FSTL4: variants seen among roughly 807,000 people sequenced by gnomAD.
FSTL4 encodes the protein follistatin-related protein 4.
A neutral mutation model predicts 78.2 loss-of-function variants in FSTL4; 28 were observed. That is an observed-to-expected ratio of 0.36 (90% CI 0.27 to 0.49). The LOEUF is 0.49. FSTL4 is among the 20% of genes least tolerant of loss of function. The pLI, the probability that FSTL4 is intolerant of heterozygous loss-of-function variation, is 0.98. For synonymous variants in FSTL4, 422 were observed against 440.5 expected (o/e 0.96, Z 0.53); for missense variants, 922 against 1,084.9 (o/e 0.85, Z 2.11).
At chr5:133,226,856 T>C (rs1020065318) in intron 8 of FSTL4, among the ~76,000 whole-genome samples, 1 of 152,154 alleles carries the variant, frequency 6.6e-6, no homozygotes, top group South Asian at 2.1e-4. Context: ...TTGGTACTTA[T>C]GTACAAAAGG....
the FSTL4 span, among the ~76,000 whole-genome samples, chr5:133,739,432 G>T: frequency 6.6e-6 from 1 of 152,130 alleles, no homozygotes; most frequent in African/African-American, 2.4e-5. Context: ...GAACATCAAG[G>T]CTCTGCCCAA....
chr5:133,826,370 T>A, the FSTL4 span, among the ~76,000 whole-genome samples: 1 of 152,154 alleles, frequency 6.6e-6, no homozygotes, highest in Non-Finnish European at 1.5e-5. Context: ...GACCACAAAC[T>A]GGGTGGCTTA....
intron 3 of FSTL4, among the ~76,000 whole-genome samples, chr5:133,491,730 T>C (rs1158114649): frequency 1.3e-5 from 2 of 152,198 alleles, no homozygotes; most frequent in Admixed American, 6.5e-5. Flanking sequence ...TTTGTTAGCA[T>C]ATATTTTCAA....
chr5:133,258,609 T>G (rs1752439800), intron 6 of FSTL4, among the ~76,000 whole-genome samples: 2 of 152,230 alleles, frequency 1.3e-5, no homozygotes, highest in Non-Finnish European at 2.9e-5. Flanking sequence ...TCATCATCCA[T>G]GCTCTCCTCT....
the FSTL4 span, among the ~76,000 whole-genome samples, chr5:133,765,522 A>T: frequency 6.6e-6 from 1 of 152,200 alleles, no homozygotes; most frequent in Non-Finnish European, 1.5e-5. Flanking sequence ...ACCAGCTGTG[A>T]CCTCAGGCCA....
intron 3 of FSTL4, among the ~76,000 whole-genome samples, chr5:133,534,486 C>T (rs1457926462): frequency 6.6e-6 from 1 of 152,136 alleles, no homozygotes; most frequent in African/African-American, 2.4e-5. Context: ...ATTCCTGTTA[C>T]TTTTATGCCT....
At chr5:133,837,724 G>A in the FSTL4 span, among the ~76,000 whole-genome samples, 9 of 152,258 alleles carry the variant, frequency 5.9e-5, no homozygotes, top group South Asian at 2.1e-4. Context: ...ATTTTCCCCT[G>A]AAGTCCCATG....
At chr5:133,807,635 A>G in the FSTL4 span, among the ~76,000 whole-genome samples, 1 of 152,222 alleles carries the variant, frequency 6.6e-6, no homozygotes, top group African/African-American at 2.4e-5. Flanking sequence ...AGCTGTAGGT[A>G]TGTGGGCCGT....
At chr5:133,591,197 G>C (rs187055338) in intron 2 of FSTL4, among the ~76,000 whole-genome samples, 2 of 152,168 alleles carry the variant, frequency 1.3e-5, no homozygotes, top group Non-Finnish European at 2.9e-5. Flanking sequence ...CCTAGGAATG[G>C]ATAAGTTGGG....
the FSTL4 span, among the ~76,000 whole-genome samples, chr5:133,766,360 G>A: frequency 6.6e-6 from 1 of 152,314 alleles, no homozygotes; most frequent in South Asian, 2.1e-4. Context: ...GTCCCACGAA[G>A]TCCAAGATAG....
chr5:133,232,825 T>C (rs1751535215), intron 8 of FSTL4, among the ~76,000 whole-genome samples: 1 of 152,158 alleles, frequency 6.6e-6, no homozygotes, highest in African/African-American at 2.4e-5. Context: ...GCTACTGTCA[T>C]CAGGAGGCAG....
At chr5:133,616,817 T>C (rs952373755), upstream of FSTL4, among the ~76,000 whole-genome samples, 1 of 152,194 alleles carries the variant, frequency 6.6e-6, no homozygotes, top group African/African-American at 2.4e-5. Flanking sequence ...AAGATGGTAC[T>C]GGACTTAGTT....
At chr5:133,804,438 G>A in the FSTL4 span, among the ~76,000 whole-genome samples, 1 of 152,170 alleles carries the variant, frequency 6.6e-6, no homozygotes, top group Admixed American at 6.5e-5. Flanking sequence ...ACCAAGCAAG[G>A]ATAAGTGAAC....
rs1750278349 is a variant in FSTL4 at position 133,200,303 on chromosome 5, A to T, written c.1827-506T>A. ...GATGCAGATGCAGCTGAACAAGTGC[A>T]GATGTCCTGTTAGTACCCTCTTCCC... On this transcript the variant is annotated intron_variant, in intron 15 of 15. Transcript: ENST00000265342. Among the ~76,000 whole-genome samples, 9 of 152,396 alleles carry T rather than the reference A, an allele frequency of 5.9e-5. No homozygotes were observed. In the South Asian group the frequency reaches 1.9e-3, roughly 32 times the overall value.
chr5:133,331,129 G>A (rs1174749029), intron 4 of FSTL4, among the ~76,000 whole-genome samples: 1 of 152,184 alleles, frequency 6.6e-6, no homozygotes, highest in East Asian at 1.9e-4. Context: ...CGCTGAGAGG[G>A]AAAGCAGCCC....
At chr5:133,616,654 C>T (rs918211467), upstream of FSTL4, among the ~76,000 whole-genome samples, 1 of 152,216 alleles carries the variant, frequency 6.6e-6, no homozygotes, top group East Asian at 1.9e-4. Flanking sequence ...TGCCCCACCT[C>T]GGCCTCCCAA....
chr5:133,372,244 T>G (rs1755323344), intron 4 of FSTL4, among the ~76,000 whole-genome samples: 1 of 129,780 alleles, frequency 7.7e-6, no homozygotes. Flanking sequence ...TATCTATGTA[T>G]CTATGTATGT....
At chr5:133,836,546 G>C in the FSTL4 span, among the ~76,000 whole-genome samples, 3 of 152,006 alleles carry the variant, frequency 2.0e-5, no homozygotes, top group Admixed American at 2.0e-4. Flanking sequence ...ACATGTATGT[G>C]TGTGGATGTA....
intron 11 of FSTL4, among the ~76,000 whole-genome samples, chr5:133,223,603 C>T (rs527933718): frequency 1.3e-5 from 2 of 152,266 alleles, no homozygotes; most frequent in South Asian, 2.1e-4. Flanking sequence ...CCACACATGC[C>T]CACTATATTT....
Sources: gnomAD v4.1 joint callset for allele counts (sites outside exome capture counted in the v4.1 genomes callset) on GRCh38, gnomAD v4.1.1 for gene constraint, MANE v1.5 for transcripts, NCBI Gene and HGNC (gene_info 2026-07-23, HGNC 2026-07-21) for gene names.